The following COL28A1 variants were observed in gnomAD, a reference collection of about 807,000 sequenced individuals.
The protein encoded by COL28A1 is collagen alpha-1(XXVIII) chain.
In COL28A1, 161 loss-of-function variants were observed where a neutral mutation model predicts 150.2. The ratio of observed to expected loss-of-function variants is 1.07; its 90% CI spans 0.94 to 1.22. COL28A1 has a LOEUF of 1.22. Among genes scored for constraint, COL28A1 ranks in the 50% most tolerant of loss-of-function variants. The pLI, the probability that COL28A1 is intolerant of heterozygous loss-of-function variation, is 0.00. For missense variants in COL28A1, 1,617 were observed against 1,388.3 expected, an observed-to-expected ratio of 1.16 and a Z score of -2.62; for synonymous variants, 552 against 469.7, an observed-to-expected ratio of 1.18 and a Z score of -2.26.
intron 27 of COL28A1, among the ~76,000 whole-genome samples, chr7:7,413,971 C>A (rs537280096): frequency 1.8e-4 from 27 of 152,268 alleles, no homozygotes; most frequent in African/African-American, 6.0e-4. Flanking sequence ...CTTCTGGGTC[C>A]TCTGAAAATA....
intron 27 of COL28A1, among the ~76,000 whole-genome samples, chr7:7,382,127 T>C (rs566119709): frequency 6.6e-6 from 1 of 152,126 alleles, no homozygotes; most frequent in Non-Finnish European, 1.5e-5. Flanking sequence ...CTGGCCAACA[T>C]GGCGAAATCC....
intron 20 of COL28A1, among the ~76,000 whole-genome samples, chr7:7,443,118 T>A (rs987234286): frequency 3.3e-5 from 5 of 152,294 alleles, no homozygotes; most frequent in Non-Finnish European, 2.9e-5. Context: ...TATTGATGAA[T>A]TTGTATAGTC....
chr7:7,433,467 C>G (rs1056201006), intron 23 of COL28A1, among the ~76,000 whole-genome samples: 1 of 151,946 alleles, frequency 6.6e-6, no homozygotes, highest in Non-Finnish European at 1.5e-5. Context: ...AACCCCGTCT[C>G]TACTAAAAAT....
Position 7,474,629 on chromosome 7 carries a change from A to T in COL28A1, c.1274T>A (p.Leu425Ter). 1 of 1,424,140 alleles carries T rather than the reference A, an allele frequency of 7.0e-7. No individual in the cohort carries two copies. Among genetic ancestry groups the T allele is most frequent in the Non-Finnish European group, 9.9e-7 (1 of 1,007,242 alleles). 88.2% of individuals were successfully genotyped at this position (1,424,140 alleles called of 1,614,324 possible). Residue 425 changes from leucine to a stop codon, truncating the protein, a stop_gained, in exon 15 of 35, where the codon TTA becomes TAA. Coordinates refer to ENST00000399429, the MANE Select transcript of COL28A1 (RefSeq NM_001037763.3). LOFTEE classifies it high-confidence loss of function. Reference sequence around the variant, plus strand: ...CTCCCCTTTGATTGACAGGCCTTGTAATCCCTGTGGGCCAGTTGGTCCTTC... The same window carrying T: ...CTCCCCTTTGATTGACAGGCCTTGTTATCCCTGTGGGCCAGTTGGTCCTTC... ...GSEGPTGPQGLQGLSIKGEKG... is the reference protein window; with the variant it reads ...GSEGPTGPQG
At chr7:7,516,848 C>T (rs983281150) in intron 7 of COL28A1, among the ~76,000 whole-genome samples, 2 of 152,068 alleles carry the variant, frequency 1.3e-5, no homozygotes, top group Admixed American at 1.3e-4. Context: ...TGCACCTAGG[C>T]CTCCCAAAGT....
At position 7,477,131 on chromosome 7, in the gene COL28A1, T is replaced by G; in HGVS notation, c.1214A>C (p.Glu405Ala). 1 of 1,336,022 alleles carries G rather than the reference T, an allele frequency of 7.5e-7. No individual in the cohort carries two copies. Among genetic ancestry groups the G allele is most frequent in the Non-Finnish European group, 1.1e-6 (1 of 925,706 alleles). The allele number at this position is 1,336,022 out of a possible 1,614,324, so 82.8% of individuals were successfully genotyped here. Residue 405 changes from glutamate to alanine, a missense_variant, in exon 14 of 35, where the codon GAA (glutamate) becomes GCA (alanine). Physicochemically the swap from Glu to Ala is moderately radical, Grantham distance 107. Coordinates refer to ENST00000399429, the MANE Select transcript of COL28A1 (RefSeq NM_001037763.3). ...TGTTACCTTTGGTCCTGGAAATCCT[T>G]CTCCGGGTAAGCCCCTCTCTCCTGG... is the stretch of plus-strand genomic sequence containing the variant. The part of the protein sequence containing the change: ...GVPGERGLPG[E>A]GFPGPKGEKG...
At chr7:7,424,121 C>T (rs1409957151) in intron 25 of COL28A1, among the ~76,000 whole-genome samples, 1 of 152,158 alleles carries the variant, frequency 6.6e-6, no homozygotes, top group Admixed American at 6.5e-5. Flanking sequence ...TTTTGTGAAT[C>T]TAATAGACTT....
intron 11 of COL28A1, among the ~76,000 whole-genome samples, chr7:7,492,700 G>A (rs573053752): frequency 4.2e-4 from 64 of 151,374 alleles, no homozygotes; most frequent in African/African-American, 1.5e-3. Flanking sequence ...ATATGCCCAG[G>A]CTCAGGGTGA....
At chr7:7,341,569 C>T in the COL28A1 span, among the ~76,000 whole-genome samples, 1 of 151,992 alleles carries the variant, frequency 6.6e-6, no homozygotes, top group Non-Finnish European at 1.5e-5. Flanking sequence ...TGCCACCACA[C>T]CTGACTTCTT....
chr7:7,403,852 A>C (rs939967886), intron 27 of COL28A1, among the ~76,000 whole-genome samples: 5 of 152,172 alleles, frequency 3.3e-5, no homozygotes, highest in African/African-American at 1.2e-4. Context: ...ACCTGGCATC[A>C]ATTTTGTCAT....
intron 18 of COL28A1, among the ~76,000 whole-genome samples, chr7:7,449,920 G>C (rs972158821): frequency 6.6e-6 from 1 of 152,012 alleles, no homozygotes; most frequent in Non-Finnish European, 1.5e-5. Context: ...ACCAAATGGG[G>C]TATCCTGTTA....
intron 15 of COL28A1, among the ~76,000 whole-genome samples, chr7:7,457,850 T>G (rs1056452715): frequency 6.6e-6 from 1 of 152,158 alleles, no homozygotes; most frequent in Non-Finnish European, 1.5e-5. Context: ...TTGAGTAACA[T>G]GGTTAACATG....
chr7:7,431,815 C>A (rs114635896), intron 25 of COL28A1, among the ~76,000 whole-genome samples: 3 of 152,028 alleles, frequency 2.0e-5, no homozygotes, highest in African/African-American at 7.3e-5. Context: ...ACATTGTCTG[C>A]CTGGCAGAAG....
chr7:7,411,683 C>T (rs1783798966), intron 27 of COL28A1, among the ~76,000 whole-genome samples: 1 of 152,148 alleles, frequency 6.6e-6, no homozygotes, highest in Non-Finnish European at 1.5e-5. Flanking sequence ...TACCAAAAAC[C>T]CCAAGCCCCC....
intron 13 of COL28A1, among the ~76,000 whole-genome samples, chr7:7,483,336 G>A (rs1174221885): frequency 2.0e-5 from 3 of 152,156 alleles, no homozygotes; most frequent in Non-Finnish European, 2.9e-5. Flanking sequence ...TCCATTGTAT[G>A]TCAAGGAGCA....
At chr7:7,508,112 G>C (rs999793453) in intron 9 of COL28A1, among the ~76,000 whole-genome samples, 7 of 151,950 alleles carry the variant, frequency 4.6e-5, no homozygotes, top group African/African-American at 1.5e-4. Context: ...GGCACCTGTA[G>C]TCCCAGCTAC....
At chr7:7,507,785 TAAAC>T (rs1780895411) in intron 9 of COL28A1, among the ~76,000 whole-genome samples, 2 of 152,080 alleles carry the variant, frequency 1.3e-5, no homozygotes, top group South Asian at 4.1e-4. Context: ...AACATATAAA[TAAAC>T]AATTTGAAAA....
chr7:7,361,746 C>T (rs556813127), intron 33 of COL28A1, among the ~76,000 whole-genome samples: 3 of 135,066 alleles, frequency 2.2e-5, no homozygotes, highest in East Asian at 2.2e-4. Flanking sequence ...ATGTTTATTG[C>T]AGCACTACTC....
chr7:7,446,612 A>G (rs891456359), intron 18 of COL28A1, among the ~76,000 whole-genome samples: 1 of 152,242 alleles, frequency 6.6e-6, no homozygotes, highest in African/African-American at 2.4e-5. Context: ...TTATTTTATG[A>G]GGCTTATAAA....
Sources: gnomAD v4.1 joint callset for allele counts (sites outside exome capture counted in the v4.1 genomes callset) on GRCh38, gnomAD v4.1.1 for gene constraint, MANE v1.5 for transcripts, NCBI Gene and HGNC (gene_info 2026-07-23, HGNC 2026-07-21) for gene names.